Variants in CDK17 observed in about 807,000 individuals in gnomAD.
The protein encoded by CDK17 is cyclin dependent kinase 17.
In CDK17, 24 loss-of-function variants were observed where a neutral mutation model predicts 77.6. The observed-to-expected ratio is 0.31, with a 90% confidence interval of 0.22 to 0.44. The LOEUF is 0.44. CDK17 is among the 20% of genes least tolerant of loss of function. The probability of loss-of-function intolerance (pLI) is 1.00; values close to 1 mark genes in which losing one functional copy is unlikely to be tolerated. For synonymous variants in CDK17, 203 were observed against 210.4 expected, an observed-to-expected ratio of 0.96 and a Z score of 0.30; for missense variants, 429 against 622.5, an observed-to-expected ratio of 0.69 and a Z score of 3.31.
rs751551629 is a variant in CDK17 at position 96,298,958 on chromosome 12, C to T, written c.626G>A (p.Gly209Glu). ...CAAATTCTCTGTCAATTTACTTCTT[C>T]CTTTATATACTGTTGCATATGTACC... Reference protein sequence around the residue: ...GEGTYATVYKGRSKLTENLVA... With the variant: ...GEGTYATVYKERSKLTENLVA... The change falls in exon 7 of 17, where the codon GGA becomes GAA. Residue 209 changes from glycine (G) to glutamate (E), a missense_variant. Gly to Glu is a moderately conservative substitution (Grantham distance 98). Around this residue, in one of 4 missense-constraint regions of CDK17, gnomAD observed 262 missense variants for 385.4 expected, o/e 0.68. Transcript: ENST00000261211. 6.3e-7 allele frequency: 1 copy of T among 1,593,332 alleles called. No individual in the cohort carries two copies. The highest frequency in any genetic ancestry group is 8.6e-7 in the Non-Finnish European group (1 of 1,161,614).
intron 7 of CDK17, among the ~76,000 whole-genome samples, chr12:96,298,638 A>G (rs1420272780): frequency 1.3e-5 from 2 of 152,214 alleles, no homozygotes; most frequent in Non-Finnish European, 2.9e-5. Flanking sequence ...ACATTTCCCT[A>G]TGACAAATAG....
intron 9 of CDK17, among the ~76,000 whole-genome samples, chr12:96,297,012 T>C (rs1320532087): frequency 1.3e-5 from 2 of 152,148 alleles, no homozygotes; most frequent in African/African-American, 4.8e-5. Context: ...GTACATATAT[T>C]CTATATTAGG....
chr12:96,301,517 G>C (rs1327582699), intron 5 of CDK17, among the ~76,000 whole-genome samples: 1 of 152,076 alleles, frequency 6.6e-6, no homozygotes, highest in Non-Finnish European at 1.5e-5. Context: ...AAGTAAAACA[G>C]AATGGGAAAA....
rs1952154593 is a variant in CDK17, at chr12:96,279,993, A to G, written c.*249T>C. On this transcript the variant is annotated 3_prime_UTR_variant, in exon 17 of 17. Transcript: ENST00000261211. ...GCACAAAAATTGCAGCTATAGTTAC[A>G]TCAATAGCTGTAACCTACTGGCTCT... is the stretch of plus-strand genomic sequence containing the variant. 2 of 396,460 alleles carry G rather than the reference A, an allele frequency of 5.0e-6. No individual in the cohort carries two copies. Among genetic ancestry groups the G allele is most frequent in the Non-Finnish European group, 8.9e-6 (2 of 223,524 alleles). 24.6% of individuals were successfully genotyped at this position (396,460 alleles called of 1,614,324 possible).
chr12:96,289,214 A>G lies in CDK17; in HGVS notation c.1071T>C (p.Pro357=). The change falls in exon 11 of 17, where the codon CCT becomes CCC. Residue 357 remains proline (P), a synonymous_variant. Coordinates refer to ENST00000261211, the MANE Select transcript of CDK17 (RefSeq NM_002595.5). ...ACTCCGAGGAACCAAGAAGCACATC[A>G]GGTGGCCGGTACCATAGTGTGACAA... The part of the protein sequence containing the change: ...NEVVTLWYRP[P]DVLLGSSEYS... 6.2e-7 allele frequency: 1 copy of G among 1,614,038 alleles called. No individual in the cohort carries two copies. Among genetic ancestry groups the G allele is most frequent in the Non-Finnish European group, 8.5e-7 (1 of 1,179,882 alleles).
chr12:96,394,732 A>C (rs1954138635), intron 1 of CDK17, among the ~76,000 whole-genome samples: 1 of 150,266 alleles, frequency 6.7e-6, no homozygotes, highest in African/African-American at 2.4e-5. Context: ...GCACGAGAAT[A>C]GCTTGAGATC....
intron 1 of CDK17, among the ~76,000 whole-genome samples, chr12:96,338,981 C>T (rs1953085595): frequency 6.6e-6 from 1 of 151,794 alleles, no homozygotes; most frequent in African/African-American, 2.4e-5. Context: ...TTCCCCCAGC[C>T]CCTGGCAACC....
At chr12:96,316,304 T>TACGCCC (rs1321557697) in intron 3 of CDK17, among the ~76,000 whole-genome samples, 214 of 151,948 alleles carry the variant, frequency 1.4e-3, no homozygotes, top group African/African-American at 5.0e-3. Context: ...CGGAGGGTCC[T>TACGCCC]ACGCCCACGG....
At chr12:96,367,854 T>C (rs1342476177) in intron 1 of CDK17, among the ~76,000 whole-genome samples, 2 of 137,216 alleles carry the variant, frequency 1.5e-5, no homozygotes, top group East Asian at 4.2e-4. Flanking sequence ...CATCTCTACT[T>C]AAAAAAAAAA....
chr12:96,376,374 C>CA (rs1223835373), intron 1 of CDK17, among the ~76,000 whole-genome samples: 3 of 152,150 alleles, frequency 2.0e-5, no homozygotes, highest in Non-Finnish European at 4.4e-5. Context: ...ATACTTAAAC[C>CA]AGACTCCAAA....
At position 96,372,366 on chromosome 12, in the gene CDK17, G is replaced by A. The variant is rs7303949; in HGVS notation, c.-30+27620C>T. Among the ~76,000 whole-genome samples the A allele has an allele frequency of 1.2e-3, 179 of 152,052 alleles. 1 individual carries two copies. Among genetic ancestry groups the A allele is most frequent in the African/African-American group, 3.7e-3 (153 of 41,484 alleles). On this transcript the variant is annotated intron_variant, in intron 1 of 16. Transcript: ENST00000261211. ...CTCAAAATAGAGTCTTCCTAGGGCC[G>A]AATCAATTGATCTCAAAACTATAAA...
intron 4 of CDK17, among the ~76,000 whole-genome samples, chr12:96,311,685 A>G (rs929455596): frequency 2.6e-5 from 4 of 151,394 alleles, no homozygotes; most frequent in Admixed American, 6.6e-5. Context: ...TAAGCCCTAT[A>G]AAAAGAAATT....
At chr12:96,283,725 T>G in intron 13 of CDK17, 80 bp from the exon 14 acceptor site, 1 of 894,948 alleles carries the variant, frequency 1.1e-6, no homozygotes, top group Non-Finnish European at 1.8e-6. Flanking sequence ...TTTCTAAGTG[T>G]TTTAATCTGC....
intron 1 of CDK17, among the ~76,000 whole-genome samples, chr12:96,367,042 T>C (rs963532629): frequency 6.6e-6 from 1 of 152,136 alleles, no homozygotes; most frequent in Non-Finnish European, 1.5e-5. Flanking sequence ...AGTAGTTCCC[T>C]TTCTTATTAA....
intron 1 of CDK17, among the ~76,000 whole-genome samples, chr12:96,389,785 C>G (rs1269070157): frequency 6.6e-6 from 1 of 151,866 alleles, no homozygotes; most frequent in African/African-American, 2.4e-5. Context: ...AAATTTATTA[C>G]TTATAACACA....
chr12:96,331,405 G>A (rs1414822343), intron 2 of CDK17, among the ~76,000 whole-genome samples: 1 of 151,740 alleles, frequency 6.6e-6, no homozygotes, highest in Non-Finnish European at 1.5e-5. Flanking sequence ...TCATATTTAG[G>A]GAAAGGTGTA....
In CDK17 at chr12:96,377,914, T is replaced by C. The variant is rs529582107; in HGVS notation, c.-30+22072A>G. On this transcript the variant is annotated intron_variant, in intron 1 of 16. Transcript: ENST00000261211. ...TTCACCGTGTTAGCCAGGATGGTCTTGATCTCCTGACCTCGTGATCCGCCC... is the reference window on the plus strand; with the variant it reads ...TTCACCGTGTTAGCCAGGATGGTCTCGATCTCCTGACCTCGTGATCCGCCC... Among the ~76,000 whole-genome samples the C allele has an allele frequency of 3.1e-3, 476 of 152,222 alleles. 3 individuals carry two copies. Among genetic ancestry groups the C allele is most frequent in the Non-Finnish European group, 3.6e-3 (248 of 67,994 alleles).
In CDK17 at chr12:96,387,870, T is replaced by C. The variant is rs1262198260; in HGVS notation, c.-30+12116A>G. Among the ~76,000 whole-genome samples, 4 of 151,688 alleles carry C rather than the reference T, an allele frequency of 2.6e-5. No homozygotes were observed. In the South Asian group the frequency reaches 6.2e-4, roughly 24 times the overall value. ...AGGTGGGAGGATTGCTTGAGCCCAG[T>C]AGGTTGAGGATGCAACGAGCTGGGA... On this transcript the variant is annotated intron_variant, in intron 1 of 16. Coordinates refer to ENST00000261211, the MANE Select transcript of CDK17 (RefSeq NM_002595.5).
intron 1 of CDK17, among the ~76,000 whole-genome samples, chr12:96,390,290 G>T (rs1483905267): frequency 6.6e-6 from 1 of 150,660 alleles, no homozygotes; most frequent in African/African-American, 2.4e-5. Flanking sequence ...CAACACGCCC[G>T]GCTAATTTTT....
Sources: gnomAD v4.1 joint callset for allele counts (sites outside exome capture counted in the v4.1 genomes callset) on GRCh38, gnomAD v4.1.1 for gene constraint, gnomAD v4.1.1 regional missense constraint, MANE v1.5 for transcripts, NCBI Gene and HGNC (gene_info 2026-07-23, HGNC 2026-07-21) for gene names.